TFDP2: variants seen among roughly 807,000 people sequenced by gnomAD.
The protein encoded by TFDP2 is transcription factor Dp-2 (E2F dimerization partner 2).
Under a neutral mutation model 59.3 loss-of-function variants are expected in TFDP2, and 17 were observed. The observed-to-expected ratio is 0.29, with a 90% CI of 0.20 to 0.43. The LOEUF is 0.43. TFDP2 is among the 20% of genes least tolerant of loss of function. The pLI, the probability that TFDP2 is intolerant of heterozygous loss-of-function variation, is 1.00. For missense variants in TFDP2, 391 were observed against 528.8 expected (o/e 0.74, Z 2.56); for synonymous variants, 180 against 194.7 (o/e 0.92, Z 0.63).
rs144527674 is a variant in TFDP2, at chr3:142,064,965, T to C, written c.82+28096A>G. On this transcript the variant is annotated intron_variant, in intron 3 of 12. Coordinates refer to ENST00000489671, the MANE Select transcript of TFDP2 (RefSeq NM_001178139.2). ...AGGTAGTTCTTATTGAATTGTAGTATCTAATTATTTAATATGGTAACAAAC... is the reference window on the plus strand; with the variant it reads ...AGGTAGTTCTTATTGAATTGTAGTACCTAATTATTTAATATGGTAACAAAC... Among the ~76,000 whole-genome samples the C allele has an allele frequency of 1.9e-4, 29 of 152,306 alleles. No homozygotes were observed. The East Asian group carries it at 3.7e-3, about 19-fold the overall frequency.
At position 141,947,227 on chromosome 3, in the gene TFDP2, A is replaced by G. The variant is rs983187389; in HGVS notation, c.*5286T>C. 2.0e-5 allele frequency: 3 copies of G among 152,150 alleles called. No homozygotes were observed. Among genetic ancestry groups the G allele is most frequent in the Non-Finnish European group, 4.4e-5 (3 of 68,034 alleles). 9.4% of individuals were successfully genotyped at this position (152,150 alleles called of 1,614,324 possible). On this transcript the variant is annotated 3_prime_UTR_variant, in exon 13 of 13. Transcript: ENST00000489671. ...CTTTGGGAAATGCATATTAGTTTTC[A>G]TCAGTGCTTGGGGACCATTGCTTTG...
Position 142,079,037 on chromosome 3 carries a change from G to A in TFDP2, c.82+14024C>T, listed in dbSNP as rs118152613. 3.7e-3 allele frequency among the ~76,000 whole-genome samples: 567 copies of A among 151,966 alleles called. 22 individuals carry two copies. The East Asian group carries it at 0.082, about 22-fold the overall frequency. On this transcript the variant is annotated intron_variant, in intron 3 of 12. Coordinates refer to ENST00000489671, the MANE Select transcript of TFDP2 (RefSeq NM_001178139.2). ...ATGAAAAATGTATGAGTCTTCTAAC[G>A]GCAGAATTGATCAAGCAGAAGAAAG...
At chr3:142,117,414 C>T (rs1431019034) in intron 1 of TFDP2, among the ~76,000 whole-genome samples, 1 of 148,662 alleles carries the variant, frequency 6.7e-6, no homozygotes, top group African/African-American at 2.5e-5. Context: ...ACCTATAAGT[C>T]AAGCAGAAAA....
chr3:142,117,133 C>G (rs1300909532), intron 1 of TFDP2, among the ~76,000 whole-genome samples: 3 of 152,214 alleles, frequency 2.0e-5, no homozygotes, highest in Non-Finnish European at 4.4e-5. Context: ...GTTAGCCAAG[C>G]TGGTCTCGAA....
At chr3:142,036,502 C>T (rs6440059) in intron 3 of TFDP2, among the ~76,000 whole-genome samples, 131,072 of 151,868 alleles carry the variant, frequency 0.86, 56,929 homozygotes, top group African/African-American at 0.97. Flanking sequence ...TCACTTCCCA[C>T]AGTCTGCGAG....
chr3:142,086,779 A>G (rs1166631634), intron 3 of TFDP2, among the ~76,000 whole-genome samples: 1 of 152,062 alleles, frequency 6.6e-6, no homozygotes, highest in Non-Finnish European at 1.5e-5. Context: ...TCCCATCTCC[A>G]ATGGATAGAG....
At chr3:141,967,116 C>T (rs1938214158) in intron 9 of TFDP2, among the ~76,000 whole-genome samples, 1 of 150,938 alleles carries the variant, frequency 6.6e-6, no homozygotes, top group Non-Finnish European at 1.5e-5. Flanking sequence ...GGGGTTTCAC[C>T]ATGTTTGTCA....
In TFDP2 at chr3:141,980,539, GT is replaced by G; in HGVS notation, c.357-1858del. 2.6e-5 allele frequency among the ~76,000 whole-genome samples: 4 copies of G among 151,546 alleles called. No individual in the cohort carries two copies. The South Asian group carries it at 6.3e-4, about 24-fold the overall frequency. On this transcript the variant is annotated intron_variant, in intron 6 of 12. Coordinates refer to ENST00000489671, the MANE Select transcript of TFDP2 (RefSeq NM_001178139.2). ...TTTTTGGACCCATTAATATGTTTGTGTTTTTTTTGTTTGTTTGTTTTGAGAA... is the reference window on the plus strand; with the variant it reads ...TTTTTGGACCCATTAATATGTTTGTGTTTTTTTGTTTGTTTGTTTTGAGAA...
At chr3:142,088,295 C>A (rs347685) in intron 3 of TFDP2, among the ~76,000 whole-genome samples, 113,280 of 151,996 alleles carry the variant, frequency 0.75, 42,224 homozygotes, top group South Asian at 0.81. Flanking sequence ...GGATATAACG[C>A]AACCCTGGAG....
At chr3:141,980,720 G>C (rs903682786) in intron 6 of TFDP2, among the ~76,000 whole-genome samples, 1 of 152,006 alleles carries the variant, frequency 6.6e-6, no homozygotes, top group African/African-American at 2.4e-5. Context: ...AGTTTTAGTA[G>C]AGATGGGGTT....
chr3:142,085,017 T>C (rs556376693), intron 3 of TFDP2, among the ~76,000 whole-genome samples: 3 of 152,168 alleles, frequency 2.0e-5, no homozygotes, highest in South Asian at 4.2e-4. Context: ...ACCTCTCAGA[T>C]TCAAGCAAGT....
At chr3:142,099,349 T>C (rs1035399046) in intron 2 of TFDP2, among the ~76,000 whole-genome samples, 2 of 152,208 alleles carry the variant, frequency 1.3e-5, no homozygotes, top group Admixed American at 6.5e-5. Flanking sequence ...ATATATTTGC[T>C]ATCCATGCAC....
chr3:142,062,401 ATGTGTGTGTG>A (rs539864134), intron 3 of TFDP2, among the ~76,000 whole-genome samples: 9 of 144,006 alleles, frequency 6.2e-5, no homozygotes, highest in African/African-American at 2.0e-4. Context: ...TATAATATAT[ATGTGTGTGTG>A]TGTGTGTGTG....
chr3:142,143,164 A>T (rs1006097658), intron 1 of TFDP2, among the ~76,000 whole-genome samples: 1 of 152,186 alleles, frequency 6.6e-6, no homozygotes. Flanking sequence ...TGAACCTGGG[A>T]GGCTGAGGTT....
At chr3:142,056,974 T>C (rs760857286) in intron 3 of TFDP2, among the ~76,000 whole-genome samples, 6 of 152,228 alleles carry the variant, frequency 3.9e-5, no homozygotes, top group Non-Finnish European at 7.3e-5. Flanking sequence ...TGTTTTAAGC[T>C]GTTAAATTTT....
At chr3:142,033,302 T>G (rs147982308) in intron 3 of TFDP2, among the ~76,000 whole-genome samples, 3 of 152,258 alleles carry the variant, frequency 2.0e-5, no homozygotes, top group African/African-American at 2.4e-5. Flanking sequence ...AGCTACTGTA[T>G]TGAACACTGT....
At chr3:142,001,990 GTTTTT>G (rs140582209) in intron 4 of TFDP2, among the ~76,000 whole-genome samples, 3 of 116,788 alleles carry the variant, frequency 2.6e-5, no homozygotes, top group African/African-American at 8.9e-5. Context: ...ACCATGCCTG[GTTTTT>G]TTTTTTTTTT....
chr3:141,995,268 T>C (rs1374897016), intron 4 of TFDP2, 127 bp from the exon 5 acceptor site: 1 of 665,878 alleles, frequency 1.5e-6, no homozygotes. Flanking sequence ...TTAATGTCAG[T>C]CATCTAAAAA....
chr3:142,024,722 TA>T (rs1453012549), intron 3 of TFDP2, among the ~76,000 whole-genome samples: 1 of 152,138 alleles, frequency 6.6e-6, no homozygotes, highest in East Asian at 1.9e-4. Context: ...GTATACATTT[TA>T]AATATTTAAT....
Sources: gnomAD v4.1 joint callset for allele counts (sites outside exome capture counted in the v4.1 genomes callset) on GRCh38, gnomAD v4.1.1 for gene constraint, MANE v1.5 for transcripts, NCBI Gene and HGNC (gene_info 2026-07-23, HGNC 2026-07-21) for gene names.